RAB30: variants seen among roughly 807,000 people sequenced by gnomAD.
The protein encoded by RAB30 is RAB30, member RAS oncogene family.
In RAB30, 9 loss-of-function variants were observed where a neutral mutation model predicts 25.1. The observed-to-expected ratio is 0.36, with a 90% CI of 0.22 to 0.63. The LOEUF (loss-of-function observed/expected upper bound fraction) is 0.63, where lower values mean the gene tolerates loss of function less well. Ranked by LOEUF, RAB30 falls within the 20% of genes least tolerant of loss-of-function variation. The pLI, the probability that RAB30 is intolerant of heterozygous loss-of-function variation, is 0.69. For synonymous variants in RAB30, 77 were observed against 86.4 expected, an observed-to-expected ratio of 0.89 and a Z score of 0.60; for missense variants, 140 against 243.5, an observed-to-expected ratio of 0.58 and a Z score of 2.83.
intron 1 of RAB30, chr11:83,035,367 G>A (rs1321538309): frequency 1.3e-5 from 2 of 152,192 alleles, no homozygotes; most frequent in African/African-American, 4.8e-5. Flanking sequence ...TGGAGGCACA[G>A]TATCACTGGC....
rs61607477 is a variant in RAB30 at position 83,042,029 on chromosome 11, C to CAAA, written c.-9+29659_-9+29661dup. 7.6e-4 allele frequency among the ~76,000 whole-genome samples: 72 copies of CAAA among 95,150 alleles called. 1 individual carries two copies. The highest frequency in any genetic ancestry group is 3.1e-3 in the African/African-American group (65 of 21,310). The allele number at this position is 95,150 out of a possible 152,430, so 62.4% of individuals were successfully genotyped here. On this transcript the variant is annotated intron_variant, in intron 1 of 4. Transcript: ENST00000527633. ...TGGGCAACAGAGTGAGACTCTGTCTCAAAAAAAAAAAAAAAAAAATTAGTT... is the reference window on the plus strand; with the variant it reads ...TGGGCAACAGAGTGAGACTCTGTCTCAAAAAAAAAAAAAAAAAAAAAATTAGTT...
chr11:83,066,577 G>A (rs1021752346), intron 1 of RAB30, among the ~76,000 whole-genome samples: 9 of 152,288 alleles, frequency 5.9e-5, no homozygotes, highest in Non-Finnish European at 5.9e-5. Flanking sequence ...TTGAGACAGA[G>A]TCTCACTCTG....
At chr11:83,031,129 G>A (rs1340976050) in intron 1 of RAB30, among the ~76,000 whole-genome samples, 1 of 152,216 alleles carries the variant, frequency 6.6e-6, no homozygotes. Context: ...AATCCTGCCA[G>A]CACCTTGATC....
At chr11:82,997,392 C>G in intron 1 of RAB30, 68 bp from the exon 2 acceptor site, 1 of 1,106,406 alleles carries the variant, frequency 9.0e-7, no homozygotes, top group Non-Finnish European at 1.4e-6. Context: ...TCAAGCTGCA[C>G]CAGCCTTCTC....
At chr11:82,998,647 CACAGGAAAT>C (rs1348606133) in intron 1 of RAB30, among the ~76,000 whole-genome samples, 1 of 150,852 alleles carries the variant, frequency 6.6e-6, no homozygotes, top group Non-Finnish European at 1.5e-5. Context: ...CTGTTATCAC[CACAGGAAAT>C]ACAGAGAAGA....
chr11:83,039,853 C>T (rs937637333), intron 1 of RAB30, among the ~76,000 whole-genome samples: 3 of 152,062 alleles, frequency 2.0e-5, no homozygotes, highest in African/African-American at 4.8e-5. Flanking sequence ...AGGAGTTTGT[C>T]AATGGACTTC....
intron 1 of RAB30, among the ~76,000 whole-genome samples, chr11:83,003,222 A>G (rs1047213244): frequency 1.3e-5 from 2 of 152,240 alleles, no homozygotes; most frequent in African/African-American, 4.8e-5. Flanking sequence ...GAGGCAAATA[A>G]GATAATATAT....
At chr11:83,053,215 T>G (rs1364875339) in intron 1 of RAB30, among the ~76,000 whole-genome samples, 1 of 152,178 alleles carries the variant, frequency 6.6e-6, no homozygotes, top group Non-Finnish European at 1.5e-5. Flanking sequence ...TTAGTCTCCT[T>G]CCAGCTGTGA....
intron 1 of RAB30, among the ~76,000 whole-genome samples, chr11:83,017,476 C>T (rs1857464280): frequency 6.6e-6 from 1 of 151,638 alleles, no homozygotes; most frequent in Non-Finnish European, 1.5e-5. Flanking sequence ...TTTGGTGCAC[C>T]CATCACCCAG....
intron 1 of RAB30, among the ~76,000 whole-genome samples, chr11:83,037,622 C>T (rs1858014656): frequency 6.6e-6 from 1 of 152,026 alleles, no homozygotes; most frequent in Non-Finnish European, 1.5e-5. Context: ...GAACAAACTC[C>T]TGGGTTTCTA....
intron 3 of RAB30, among the ~76,000 whole-genome samples, chr11:82,993,206 T>C (rs1369725288): frequency 6.6e-6 from 1 of 152,228 alleles, no homozygotes; most frequent in Non-Finnish European, 1.5e-5. Context: ...TGTGCCTTTC[T>C]TCCCTTCTTC....
At position 82,979,617 on chromosome 11, in the gene RAB30, A is replaced by G. The variant is rs563079493; in HGVS notation, c.*2548T>C. On this transcript the variant is annotated 3_prime_UTR_variant, in exon 5 of 5. Coordinates refer to ENST00000527633, the MANE Select transcript of RAB30 (RefSeq NM_001286060.2). ...ACTACCACCCCACCTTGGCACTTAA[A>G]TGTTTATTTGACTAATATTTATTGC... The G allele has an allele frequency of 6.6e-6, 1 of 152,278 alleles. No homozygotes were observed. The highest frequency in any genetic ancestry group is 1.9e-4 in the East Asian group (1 of 5,186). The allele number at this position is 152,278 out of a possible 1,614,324, so 9.4% of individuals were successfully genotyped here. A position where few individuals can be genotyped will look rare whatever the true frequency, so the allele number is the denominator to read the frequency against.
chr11:82,997,957 C>T (rs969869145), intron 1 of RAB30, among the ~76,000 whole-genome samples: 54 of 152,258 alleles, frequency 3.5e-4, no homozygotes, highest in African/African-American at 1.2e-3. Flanking sequence ...TTGGTATGTG[C>T]CATTTCTTCT....
chr11:83,043,290 G>A lies in RAB30; in HGVS notation c.-9+28401C>T, dbSNP rs201039464. 3.3e-5 allele frequency among the ~76,000 whole-genome samples: 5 copies of A among 152,162 alleles called. No individual in the cohort carries two copies. In the East Asian group the frequency reaches 5.8e-4, roughly 18 times the overall value. The stretch of plus-strand genomic sequence containing the variant: ...AAGAAAAGCCATCCAAACTGAGGCC[G>A]ACTTAGACCAGCCAGCTCCTAGTCA... On this transcript the variant is annotated intron_variant, in intron 1 of 4. Transcript: ENST00000527633.
chr11:82,990,958 C>T (rs916810827), intron 3 of RAB30, among the ~76,000 whole-genome samples: 3 of 152,038 alleles, frequency 2.0e-5, no homozygotes, highest in Non-Finnish European at 4.4e-5. Flanking sequence ...GCCTTAATAG[C>T]TACAAAAATC....
chr11:83,035,427 C>G (rs1848056455), intron 1 of RAB30: 1 of 152,344 alleles, frequency 6.6e-6, no homozygotes, highest in Non-Finnish European at 1.5e-5. Context: ...ACCATGGACT[C>G]AGTTGTCCCG....
intron 1 of RAB30, among the ~76,000 whole-genome samples, chr11:83,052,554 A>G (rs1392769930): frequency 6.6e-6 from 1 of 152,238 alleles, no homozygotes; most frequent in African/African-American, 2.4e-5. Context: ...AAAGGGCCTG[A>G]GAGAGATGTC....
intron 3 of RAB30, 135 bp from the exon 4 acceptor site, chr11:82,987,905 TAAAAA>T (rs35726383): frequency 0.024 from 861 of 35,420 alleles, 14 homozygotes; most frequent in South Asian, 0.098. Context: ...TTTTCTGCCC[TAAAAA>T]AAAAAAAAAA....
At chr11:83,016,291 T>A (rs1329744489) in intron 1 of RAB30, among the ~76,000 whole-genome samples, 1 of 152,006 alleles carries the variant, frequency 6.6e-6, no homozygotes, top group East Asian at 1.9e-4. Context: ...AGACCAAAAC[T>A]ATGGACAACT....
Sources: allele counts gnomAD v4.1 joint callset (sites outside exome capture counted in the v4.1 genomes callset), GRCh38; gene constraint gnomAD v4.1.1; transcripts MANE v1.5; gene names NCBI Gene and HGNC (gene_info 2026-07-23, HGNC 2026-07-21).